Variants in MRAS observed in about 807,000 individuals in gnomAD.
The protein encoded by MRAS is muscle RAS oncogene homolog.
MRAS carries 4 observed loss-of-function variants against 20.9 expected under a neutral mutation model. The observed-to-expected ratio is 0.19, with a 90% CI of 0.09 to 0.44. The LOEUF (loss-of-function observed/expected upper bound fraction) is 0.44. Among genes scored for constraint, MRAS ranks in the 20% least tolerant of loss-of-function variants. The probability of loss-of-function intolerance (pLI) is 0.99; values close to 1 mark genes in which losing one functional copy is unlikely to be tolerated. For missense variants in MRAS, 154 were observed against 277.5 expected (o/e 0.56, Z 3.16); for synonymous variants, 98 against 102.9 (o/e 0.95, Z 0.29).
At chr3:138,356,218 C>T (rs2054331148) in intron 1 of MRAS, among the ~76,000 whole-genome samples, 1 of 152,066 alleles carries the variant, frequency 6.6e-6, no homozygotes, top group Admixed American at 6.5e-5. Context: ...TTAGGCTGGC[C>T]CTAGTATACC....
chr3:138,396,668 G>C (rs1200150818), intron 2 of MRAS, among the ~76,000 whole-genome samples: 1 of 152,140 alleles, frequency 6.6e-6, no homozygotes, highest in African/African-American at 2.4e-5. Flanking sequence ...GGAGTAGTTG[G>C]GGGGATGGAT....
At chr3:138,351,718 G>A (rs1560157413) in intron 1 of MRAS, among the ~76,000 whole-genome samples, 1 of 152,226 alleles carries the variant, frequency 6.6e-6, no homozygotes, top group South Asian at 2.1e-4. Context: ...ACAGGAATGG[G>A]ATATCAGTGC....
chr3:138,391,501 A>G (rs1489159641), intron 2 of MRAS, among the ~76,000 whole-genome samples: 5 of 152,208 alleles, frequency 3.3e-5, no homozygotes, highest in Non-Finnish European at 7.3e-5. Flanking sequence ...AAACTTTTTG[A>G]GCGCTTATGT....
At chr3:138,371,647 G>A (rs2054676432) in intron 1 of MRAS, among the ~76,000 whole-genome samples, 1 of 152,088 alleles carries the variant, frequency 6.6e-6, no homozygotes, top group African/African-American at 2.4e-5. Flanking sequence ...TCCCTCCCTC[G>A]ATTTTTGTGC....
rs1401758413 is a variant in MRAS at position 138,385,257 on chromosome 3, TC to T, written c.194-12064del. On this transcript the variant is annotated intron_variant, in intron 2 of 5. Transcript: ENST00000423968. ...ATCATGACTCACTGCAGCCTTGACC[TC>T]CCGCAGTCCTCCCACCTCAGTCTCC... Among the ~76,000 whole-genome samples the T allele has an allele frequency of 2.3e-5, 3 of 132,650 alleles. No homozygotes were observed. In the East Asian group the frequency reaches 7.5e-4, roughly 33 times the overall value. The allele number at this position is 132,650 out of a possible 152,430, so 87.0% of individuals were successfully genotyped here. A position where few individuals can be genotyped will look rare whatever the true frequency, so the allele number is the denominator to read the frequency against.
chr3:138,377,119 C>A, intron 2 of MRAS, among the ~76,000 whole-genome samples: 2 of 152,328 alleles, frequency 1.3e-5, no homozygotes, highest in Middle Eastern at 6.8e-3. Context: ...TAGAAGTGTG[C>A]ATTTGCAAAG....
At chr3:138,402,119 GA>G in intron 5 of MRAS, 50 bp from the exon 6 acceptor site, 4 of 1,564,382 alleles carry the variant, frequency 2.6e-6, no homozygotes, top group Non-Finnish European at 3.5e-6. Flanking sequence ...GGGCAGAGGA[GA>G]AGCAAAGCCC....
Position 138,397,492 on chromosome 3 carries a change from C to T in MRAS, c.347+15C>T. The stretch of plus-strand genomic sequence containing the variant: ...GTCAAAGACAGGTGAGCATCAAAGA[C>T]AGGTGAGAGTACCGGGAAGAGGCCT... On this transcript the variant is annotated intron_variant, in intron 3 of 5. Coordinates refer to ENST00000423968, the MANE Select transcript of MRAS (RefSeq NM_001085049.3). 6.2e-7 allele frequency: 1 copy of T among 1,613,862 alleles called. No individual in the cohort carries two copies. The highest frequency in any genetic ancestry group is 1.3e-5 in the African/African-American group (1 of 75,050).
At chr3:138,379,945 G>A (rs1271232955) in intron 2 of MRAS, among the ~76,000 whole-genome samples, 1 of 152,068 alleles carries the variant, frequency 6.6e-6, no homozygotes, top group Non-Finnish European at 1.5e-5. Flanking sequence ...ATTCCCACCA[G>A]CAGTATCCAA....
At chr3:138,385,734 C>T (rs1369805143) in intron 2 of MRAS, among the ~76,000 whole-genome samples, 1 of 152,002 alleles carries the variant, frequency 6.6e-6, no homozygotes, top group Non-Finnish European at 1.5e-5. Flanking sequence ...AGGCTGGTCT[C>T]GAACTCCTGA....
chr3:138,388,624 A>G (rs1373209804), intron 2 of MRAS, among the ~76,000 whole-genome samples: 1 of 152,072 alleles, frequency 6.6e-6, no homozygotes, highest in African/African-American at 2.4e-5. Context: ...ACTTGAACCC[A>G]GCAGGCAGAG....
At chr3:138,364,656 A>T (rs1233964867) in intron 1 of MRAS, among the ~76,000 whole-genome samples, 1 of 152,184 alleles carries the variant, frequency 6.6e-6, no homozygotes, top group Non-Finnish European at 1.5e-5. Flanking sequence ...GGTGCTAGAA[A>T]ATAAGGGTTT....
chr3:138,368,394 T>A (rs1366892422), intron 1 of MRAS, among the ~76,000 whole-genome samples: 1 of 152,150 alleles, frequency 6.6e-6, no homozygotes, highest in African/African-American at 2.4e-5. Flanking sequence ...GCTCAGCATA[T>A]CTCACACATT....
At chr3:138,361,771 G>C (rs578087023) in intron 1 of MRAS, among the ~76,000 whole-genome samples, 2 of 152,318 alleles carry the variant, frequency 1.3e-5, no homozygotes, top group Non-Finnish European at 2.9e-5. Context: ...GCCTTCCCTG[G>C]TTGAGTGACC....
rs1318922663 is a variant in MRAS, at chr3:138,397,858, G to A, written c.347+381G>A. ...CACAGATTAATGTGGGTTTTACTCC[G>A]AATACATGAATTGCAAAAGAGAAAA... On this transcript the variant is annotated intron_variant, in intron 3 of 5. Coordinates refer to ENST00000423968, the MANE Select transcript of MRAS (RefSeq NM_001085049.3). Among the ~76,000 whole-genome samples, 5 of 152,242 alleles carry A rather than the reference G, an allele frequency of 3.3e-5. No homozygotes were observed. In the East Asian group the frequency reaches 9.7e-4, roughly 29 times the overall value.
intron 1 of MRAS, among the ~76,000 whole-genome samples, chr3:138,361,587 T>A (rs571310000): frequency 6.6e-6 from 1 of 152,242 alleles, no homozygotes; most frequent in East Asian, 1.9e-4. Context: ...GCTGGCTGAA[T>A]CCAGTTTGTG....
chr3:138,351,575 C>G (rs952874849), intron 1 of MRAS, among the ~76,000 whole-genome samples: 5 of 152,198 alleles, frequency 3.3e-5, no homozygotes, highest in Admixed American at 3.3e-4. Context: ...TTAGATCATG[C>G]CTCTGAGCCC....
chr3:138,361,751 G>A (rs746636893), intron 1 of MRAS, among the ~76,000 whole-genome samples: 20 of 152,194 alleles, frequency 1.3e-4, no homozygotes, highest in Non-Finnish European at 1.9e-4. Flanking sequence ...CCCAGAGTGT[G>A]CAGAGGCTGG....
chr3:138,377,723 TC>T (rs905600044), intron 2 of MRAS, among the ~76,000 whole-genome samples: 1 of 152,120 alleles, frequency 6.6e-6, no homozygotes, highest in Non-Finnish European at 1.5e-5. Flanking sequence ...CCCACTGAAC[TC>T]CAGGGGATCT....
Sources: allele counts gnomAD v4.1 joint callset (sites outside exome capture counted in the v4.1 genomes callset), GRCh38; gene constraint gnomAD v4.1.1; transcripts MANE v1.5; gene names NCBI Gene and HGNC (gene_info 2026-07-23, HGNC 2026-07-21).